The following UGGT2 variants were observed in gnomAD, a reference collection of about 807,000 sequenced individuals.
The protein encoded by UGGT2 is UDP-glucose glycoprotein glucosyltransferase 2.
In UGGT2, 180 loss-of-function variants were observed where a neutral mutation model predicts 192.1. The ratio of observed to expected loss-of-function variants is 0.94; its 90% CI spans 0.83 to 1.06. The LOEUF is 1.06. UGGT2 is among the 50% of genes least tolerant of loss of function. UGGT2 has a pLI of 0.00. For synonymous variants in UGGT2, 580 were observed against 591.0 expected (o/e 0.98, Z 0.27); for missense variants, 1,849 against 1,795.7 (o/e 1.03, Z -0.54).
rs146148434 is a variant in UGGT2 at position 95,932,071 on chromosome 13, T to C, written c.1978-4735A>G. On this transcript the variant is annotated intron_variant, in intron 17 of 38. Coordinates refer to ENST00000376747, the MANE Select transcript of UGGT2 (RefSeq NM_020121.4). The stretch of plus-strand genomic sequence containing the variant: ...CTCTTTTCTGGTTCCATATTAATTT[T>C]AGAATAGTATTTTCCAATTCTGTGA... Among the ~76,000 whole-genome samples the C allele has an allele frequency of 3.2e-3, 483 of 152,370 alleles. 3 individuals are homozygous for C. The highest frequency in any genetic ancestry group is 0.011 in the African/African-American group (461 of 41,588).
intron 36 of UGGT2, among the ~76,000 whole-genome samples, chr13:95,845,775 G>C (rs1279637098): frequency 6.6e-6 from 1 of 150,992 alleles, no homozygotes; most frequent in Non-Finnish European, 1.5e-5. Flanking sequence ...TCAGTTCCCA[G>C]ACGGGGTCGC....
rs1454413401 is a variant in UGGT2, at chr13:95,901,304, TAA to T, written c.2503-368_2503-367del. ...TACCTCTTATTTGGTACTATCAATT[TAA>T]AAAGTGTTTAAAATGGAAATACTCC... On this transcript the variant is annotated intron_variant, in intron 21 of 38. Transcript: ENST00000376747. Among the ~76,000 whole-genome samples, 7 of 152,220 alleles carry T rather than the reference TAA, an allele frequency of 4.6e-5. No homozygotes were observed. In the East Asian group the frequency reaches 1.3e-3, roughly 29 times the overall value.
intron 5 of UGGT2, among the ~76,000 whole-genome samples, chr13:96,003,022 G>A (rs1312314583): frequency 6.6e-6 from 1 of 152,120 alleles, no homozygotes; most frequent in African/African-American, 2.4e-5. Flanking sequence ...CTTAGCTGCG[G>A]TGCAACATGA....
intron 38 of UGGT2, among the ~76,000 whole-genome samples, chr13:95,825,932 T>C (rs1039752564): frequency 2.6e-5 from 4 of 152,106 alleles, no homozygotes; most frequent in African/African-American, 9.7e-5. Context: ...ACTACAGTGA[T>C]TGCTACTGCT....
At chr13:95,903,530 A>C (rs2048174885) in intron 20 of UGGT2, among the ~76,000 whole-genome samples, 1 of 152,162 alleles carries the variant, frequency 6.6e-6, no homozygotes, top group Non-Finnish European at 1.5e-5. Context: ...TTATCCCCTA[A>C]ACTTGCACTG....
At chr13:95,814,397 T>C (rs951364948) in intron 38 of UGGT2, among the ~76,000 whole-genome samples, 2 of 152,172 alleles carry the variant, frequency 1.3e-5, no homozygotes, top group African/African-American at 4.8e-5. Context: ...TCAAAGGAGA[T>C]TATTTCGGAG....
intron 10 of UGGT2, among the ~76,000 whole-genome samples, chr13:95,981,745 G>A (rs181786264): frequency 5.9e-5 from 9 of 152,246 alleles, no homozygotes; most frequent in African/African-American, 2.2e-4. Context: ...GGGCTTTCTC[G>A]TGTCCAATCC....
At chr13:95,988,975 G>A (rs1233030498) in intron 8 of UGGT2, among the ~76,000 whole-genome samples, 1 of 152,052 alleles carries the variant, frequency 6.6e-6, no homozygotes, top group Non-Finnish European at 1.5e-5. Flanking sequence ...TAGTGAGAGT[G>A]GCCTGTAAAT....
rs143533271 is a variant in UGGT2 at position 95,899,250 on chromosome 13, T to C, written c.2634+1557A>G. On this transcript the variant is annotated intron_variant, in intron 22 of 38. Transcript: ENST00000376747. ...AGTATAAGAAATAAATTTATGTTCT[T>C]TATAAATTAGCCAGTCTGTGGCATA... 5.9e-3 allele frequency among the ~76,000 whole-genome samples: 895 copies of C among 152,330 alleles called. 5 individuals are homozygous for C. The highest frequency in any genetic ancestry group is 6.7e-3 in the Non-Finnish European group (454 of 68,038).
At chr13:95,848,557 CTA>C (rs1888707350) in intron 36 of UGGT2, among the ~76,000 whole-genome samples, 1 of 152,166 alleles carries the variant, frequency 6.6e-6, no homozygotes, top group East Asian at 1.9e-4. Flanking sequence ...TATCTCTGCT[CTA>C]TCTTTGTTCC....
At chr13:95,811,310 G>A (rs1884571745) in intron 38 of UGGT2, among the ~76,000 whole-genome samples, 1 of 152,158 alleles carries the variant, frequency 6.6e-6, no homozygotes, top group Admixed American at 6.5e-5. Flanking sequence ...AATATTCATA[G>A]GAATATATTT....
chr13:95,815,783 G>T (rs1051660601), intron 38 of UGGT2, among the ~76,000 whole-genome samples: 1 of 152,142 alleles, frequency 6.6e-6, no homozygotes, highest in Non-Finnish European at 1.5e-5. Context: ...TAAGCACAAC[G>T]ATATGGTTTG....
At chr13:95,947,257 A>G in intron 14 of UGGT2, 85 bp from the exon 15 acceptor site, 1 of 1,278,088 alleles carries the variant, frequency 7.8e-7, no homozygotes, top group South Asian at 1.6e-5. Flanking sequence ...TTAGACTACA[A>G]TATCTAGATG....
At chr13:96,037,286 C>T (rs9562014) in intron 1 of UGGT2, among the ~76,000 whole-genome samples, 59,153 of 151,986 alleles carry the variant, frequency 0.39, 11,737 homozygotes, top group Middle Eastern at 0.44. Flanking sequence ...GCAACCTTCA[C>T]CTCCCTGGTT....
At chr13:95,946,434 T>A (rs569808702) in intron 15 of UGGT2, among the ~76,000 whole-genome samples, 1 of 152,242 alleles carries the variant, frequency 6.6e-6, no homozygotes, top group Non-Finnish European at 1.5e-5. Flanking sequence ...AGTGGCTCGA[T>A]CTTGGCTCAT....
intron 22 of UGGT2, among the ~76,000 whole-genome samples, chr13:95,897,324 GT>G (rs1201910079): frequency 1.3e-5 from 2 of 151,976 alleles, no homozygotes; most frequent in African/African-American, 4.8e-5. Context: ...CCCTGCTTTT[GT>G]TCCCTACTCC....
At position 95,903,033 on chromosome 13, in the gene UGGT2, T is replaced by C. The variant is rs1296951333; in HGVS notation, c.2323A>G (p.Ile775Val). 1 of 1,612,358 alleles carries C rather than the reference T, an allele frequency of 6.2e-7. No individual in the cohort carries two copies. The highest frequency in any genetic ancestry group is 8.5e-7 in the Non-Finnish European group (1 of 1,179,458). The change falls in exon 21 of 39, where the codon ATT (isoleucine) becomes GTT (valine). Residue 775 changes from isoleucine to valine, a missense_variant. Transcript: ENST00000376747. The part of the protein sequence containing the change: ...MKTSVHSRLG[I>V]IYNPTSKINE... ...ATTTTTGATGTAGGATTATAAATAATCCCCAACCGACTATGAACACTTGTT... is the reference window on the plus strand; with the variant it reads ...ATTTTTGATGTAGGATTATAAATAACCCCCAACCGACTATGAACACTTGTT...
chr13:95,900,028 C>A (rs1463676606), intron 22 of UGGT2, among the ~76,000 whole-genome samples: 1 of 151,980 alleles, frequency 6.6e-6, no homozygotes, highest in East Asian at 1.9e-4. Context: ...TCTTAATAAA[C>A]CTAAGCACCA....
intron 20 of UGGT2, among the ~76,000 whole-genome samples, chr13:95,913,470 CAACA>C (rs1282713906): frequency 1.3e-5 from 2 of 152,148 alleles, no homozygotes; most frequent in African/African-American, 4.8e-5. Context: ...TCTACACAAC[CAACA>C]GACACATGGA....
Sources: allele counts gnomAD v4.1 joint callset (sites outside exome capture counted in the v4.1 genomes callset), GRCh38; gene constraint gnomAD v4.1.1; transcripts MANE v1.5; gene names NCBI Gene and HGNC (gene_info 2026-07-23, HGNC 2026-07-21).